ELOA2: variants seen among roughly 807,000 people sequenced by gnomAD.
ELOA2 encodes the protein elongin-A2.
For synonymous variants in ELOA2, 497 were observed against 398.8 expected, an observed-to-expected ratio of 1.25 and a Z score of -2.94; for missense variants, 1,271 against 979.7, an observed-to-expected ratio of 1.30 and a Z score of -3.97.
the ELOA2 span, chr18:47,033,607 C>T: frequency 6.2e-7 from 1 of 1,614,162 alleles, no homozygotes; most frequent in South Asian, 1.1e-5. Context: ...TTCAAGAACC[C>T]AGTAGGGGAC....
rs752530250 is a variant in ELOA2, at chr18:47,034,900, G to C, written c.365C>G (p.Pro122Arg). ...CCGTCTGTGCTCAGGGCTGTGAGATGGGCTCCTGGGGGCCGTCGCGTTTTC... is the reference window on the plus strand; with the variant it reads ...CCGTCTGTGCTCAGGGCTGTGAGATCGGCTCCTGGGGGCCGTCGCGTTTTC... ...FPENATAPRS[P>R]SHSPEHRRTA... The change falls in exon 1 of 1, where the codon CCA (proline) becomes CGA (arginine). Residue 122 changes from proline (P) to arginine (R), a missense_variant. Transcript: ENST00000332567. 2 of 1,612,054 alleles carry C rather than the reference G, an allele frequency of 1.2e-6. No individual in the cohort carries two copies. The highest frequency in any genetic ancestry group is 3.3e-5 in the Admixed American group (2 of 60,012).
the ELOA2 span, chr18:47,033,858 C>T: frequency 2.2e-5 from 35 of 1,613,924 alleles, no homozygotes; most frequent in Non-Finnish European, 2.7e-5. Context: ...TGGCCTGCAT[C>T]CAGGCCTCTG....
chr18:47,033,061 A>G lies in ELOA2; in HGVS notation c.2204T>C (p.Val735Ala). ...AKTRKQAAKK[V>A]APLMAKAIRD... The stretch of plus-strand genomic sequence containing the variant: ...AATTGCCTTGGCCATCAGCGGGGCC[A>G]CTTTCTTGGCAGCCTGTTTCCGGGT... The change falls in exon 1 of 1, where the codon GTG (valine) becomes GCG (alanine). Residue 735 changes from valine (V) to alanine (A), a missense_variant. Transcript: ENST00000332567. The G allele has an allele frequency of 6.2e-7, 1 of 1,614,122 alleles. No homozygotes were observed. Among genetic ancestry groups the G allele is most frequent in the African/African-American group, 1.3e-5 (1 of 75,066 alleles).
rs3744864 is a variant in ELOA2, at chr18:47,033,966, G to T, written c.1299C>A (p.Val433=). ...GCAGCCTCTCTGACTGGCTTTCCTGGACAGGAGGCAATTTCTTAGCCGAAT... is the reference window on the plus strand; with the variant it reads ...GCAGCCTCTCTGACTGGCTTTCCTGTACAGGAGGCAATTTCTTAGCCGAAT... The part of the protein sequence containing the change: ...SWDSAKKLPP[V]QESQSERLQA... Residue 433 remains valine, a synonymous_variant, in exon 1 of 1, where the codon GTC becomes GTA. Coordinates refer to ENST00000332567, the MANE Select transcript of ELOA2 (RefSeq NM_016427.3). The T allele has an allele frequency of 9.6e-3, 15,462 of 1,613,316 alleles. 106 individuals are homozygous for T. Among genetic ancestry groups the T allele is most frequent in the Admixed American group, 0.027 (1,629 of 60,034 alleles).
In ELOA2 at chr18:47,033,906, C is replaced by G. The variant is rs770220168; in HGVS notation, c.1359G>C (p.Thr453=). The G allele has an allele frequency of 3.1e-6, 5 of 1,613,202 alleles. No individual in the cohort carries two copies. Among genetic ancestry groups the G allele is most frequent in the South Asian group, 2.2e-5 (2 of 91,022 alleles). The change falls in exon 1 of 1, where the codon ACG becomes ACC. Residue 453 remains threonine, a synonymous_variant. Transcript: ENST00000332567. ...GCTCTGAGAAGACATGGCTGGGCAC[C>G]GTTTTCGGCCCGGCGGAATCAGCGC... ...AAGADSAGPK[T]VPSHVFSELW...
rs1236166074 is a variant in ELOA2, at chr18:47,032,801, G to GTGT, written c.*199_*201dup. 6 of 893,324 alleles carry GTGT rather than the reference G, an allele frequency of 6.7e-6. No individual in the cohort carries two copies. The highest frequency in any genetic ancestry group is 3.4e-5 in the African/African-American group (2 of 59,152). The allele number at this position is 893,324 out of a possible 1,614,324, so 55.3% of individuals were successfully genotyped here. A position where few individuals can be genotyped will look rare whatever the true frequency, so the allele number is the denominator to read the frequency against. ...GCGTTCATATCTTCTGAATTCTGAG[G>GTGT]TGTTCTCCAAGCTGGGAGGTAGTGG... On this transcript the variant is annotated 3_prime_UTR_variant, in exon 1 of 1. Transcript: ENST00000332567.
At position 47,033,213 on chromosome 18, in the gene ELOA2, A is replaced by T. The variant is rs2060569099; in HGVS notation, c.2052T>A (p.Thr684=). The T allele has an allele frequency of 2.5e-6, 4 of 1,613,744 alleles. No individual in the cohort carries two copies. The highest frequency in any genetic ancestry group is 3.4e-6 in the Non-Finnish European group (4 of 1,179,980). ...PASKPAGSSH[T]PSSQSSSGGG... ...CGCCGCTGCTGCTCTGGCTGGAGGG[A>T]GTGTGGCTGCTTCCCGCGGGCTTGG... Residue 684 remains threonine (T), a synonymous_variant, in exon 1 of 1, where the codon ACT becomes ACA. Coordinates refer to ENST00000332567, the MANE Select transcript of ELOA2 (RefSeq NM_016427.3).
Position 47,033,979 on chromosome 18 carries a change from T to C in ELOA2, c.1286A>G (p.Lys429Arg), listed in dbSNP as rs1373785925. The C allele has an allele frequency of 1.2e-6, 2 of 1,613,510 alleles. No homozygotes were observed. The highest frequency in any genetic ancestry group is 1.7e-6 in the Non-Finnish European group (2 of 1,180,032). ...CTGGCTTTCCTGGACAGGAGGCAAT[T>C]TCTTAGCCGAATCCCAGGACTCACG... ...GTRESWDSAK[K>R]LPPVQESQSE... The change falls in exon 1 of 1, where the codon AAA (lysine) becomes AGA (arginine). Residue 429 changes from lysine to arginine, a missense_variant. Transcript: ENST00000332567.
At position 47,035,278 on chromosome 18, in the gene ELOA2, T is replaced by C. The variant is rs753353388; in HGVS notation, c.-14A>G. On this transcript the variant is annotated 5_prime_UTR_variant, in exon 1 of 1. Coordinates refer to ENST00000332567, the MANE Select transcript of ELOA2 (RefSeq NM_016427.3). ...CCCTGCCGCCATCTCACCAGAGCTG[T>C]GCAGGCGTCGCTGTCCCGGCGGTCG... 2 of 1,612,322 alleles carry C rather than the reference T, an allele frequency of 1.2e-6. No individual in the cohort carries two copies. Among genetic ancestry groups the C allele is most frequent in the African/African-American group, 2.7e-5 (2 of 74,878 alleles).
chr18:47,033,010 C>T lies in ELOA2; in HGVS notation c.2255G>A (p.Arg752Gln), dbSNP rs778495814. The T allele has an allele frequency of 8.1e-6, 13 of 1,613,996 alleles. No individual in the cohort carries two copies. The highest frequency in any genetic ancestry group is 6.8e-6 in the Non-Finnish European group (8 of 1,180,054). ...AIRDYKRRFSRR is the reference protein window; with the variant it reads ...AIRDYKRRFSQR Reference sequence around the variant, plus strand: ...GCAAGGCAAGTCCTGAGTTTATCGTCGGGAGAATCTTCTCTTGTAGTCTCG... The same window carrying T: ...GCAAGGCAAGTCCTGAGTTTATCGTTGGGAGAATCTTCTCTTGTAGTCTCG... The change falls in exon 1 of 1, where the codon CGA becomes CAA. Residue 752 changes from arginine (R) to glutamine (Q), a missense_variant. Coordinates refer to ENST00000332567, the MANE Select transcript of ELOA2 (RefSeq NM_016427.3).
rs975232089 is a variant in ELOA2 at position 47,034,749 on chromosome 18, T to G, written c.516A>C (p.Pro172=). The change falls in exon 1 of 1, where the codon CCA becomes CCC. Residue 172 remains proline, a synonymous_variant. Coordinates refer to ENST00000332567, the MANE Select transcript of ELOA2 (RefSeq NM_016427.3). Reference sequence around the variant, plus strand: ...GCATCCGGAGGGGAGCTGTGCGCGTTGGAGAGGCCCGATAGCGGCCGGAAT... The same window carrying G: ...GCATCCGGAGGGGAGCTGTGCGCGTGGGAGAGGCCCGATAGCGGCCGGAAT... ...PADSGRYRAS[P]TRTAPLRMPE... is the part of the protein sequence containing the mutation. The G allele has an allele frequency of 2.0e-5, 32 of 1,612,730 alleles. No individual in the cohort carries two copies. The highest frequency in any genetic ancestry group is 2.7e-5 in the Non-Finnish European group (32 of 1,179,684).
Position 47,034,227 on chromosome 18 carries a change from A to T in ELOA2, c.1038T>A (p.Thr346=). The change falls in exon 1 of 1, where the codon ACT becomes ACA. Residue 346 remains threonine, a synonymous_variant. Transcript: ENST00000332567. The stretch of plus-strand genomic sequence containing the variant: ...GAGCAGTCGGTGGCTTCCCCTCTTG[A>T]GTCTCTCGGTCGTTGGAAAGCTGCT... ...EKEQLSNDRE[T]QEGKPPTAHL... The T allele has an allele frequency of 6.2e-7, 1 of 1,613,826 alleles. No homozygotes were observed. Among genetic ancestry groups the T allele is most frequent in the Non-Finnish European group, 8.5e-7 (1 of 1,179,788 alleles).
rs749662975 is a variant in ELOA2, at chr18:47,034,917, C to A, written c.348G>T (p.Ala116=). 1.1e-5 allele frequency: 18 copies of A among 1,611,866 alleles called. 1 individual carries two copies. The highest frequency in any genetic ancestry group is 1.4e-5 in the Non-Finnish European group (16 of 1,179,894). The part of the protein sequence containing the change: ...QEKAWGFPEN[A]TAPRSPSHSP... Reference sequence around the variant, plus strand: ...TGTGAGATGGGCTCCTGGGGGCCGTCGCGTTTTCTGGGAAGCCCCAGGCCT... The same window carrying A: ...TGTGAGATGGGCTCCTGGGGGCCGTAGCGTTTTCTGGGAAGCCCCAGGCCT... Residue 116 remains alanine (A), a synonymous_variant, in exon 1 of 1, where the codon GCG becomes GCT. Coordinates refer to ENST00000332567, the MANE Select transcript of ELOA2 (RefSeq NM_016427.3).
In ELOA2 at chr18:47,033,768, C is replaced by T. The variant is rs57122108; in HGVS notation, c.1497G>A (p.Glu499=). 6.6e-3 allele frequency: 10,647 copies of T among 1,614,200 alleles called. 447 individuals carry two copies. In the African/African-American group the frequency reaches 0.11, roughly 16 times the overall value. ...CTCTGCGTCCAGGGAAAGCAGCTTC[C>T]TCCCGGAACTTTGGTGAAGAGAGTG... ...PEALSSPKFR[E]EAAFPGRRVN... is the part of the protein sequence containing the mutation. Residue 499 remains glutamate (E), a synonymous_variant, in exon 1 of 1, where the codon GAG becomes GAA. Coordinates refer to ENST00000332567, the MANE Select transcript of ELOA2 (RefSeq NM_016427.3).
chr18:47,034,972 C>G lies in ELOA2; in HGVS notation c.293G>C (p.Arg98Pro), dbSNP rs1555847077. The change falls in exon 1 of 1, where the codon CGC (arginine) becomes CCC (proline). Residue 98 changes from arginine (R) to proline (P), a missense_variant. Physicochemically the swap from Arg to Pro is moderately radical, Grantham distance 103 (BLOSUM62 -2). Coordinates refer to ENST00000332567, the MANE Select transcript of ELOA2 (RefSeq NM_016427.3). ...CTGGTCCTGAAGAGCCTCCCCGAAG[C>G]GCTGTCGGGAAGCGCTCTCCTCAGG... ...QDPEESASRQ[R>P]FGEALQDQEK... The G allele has an allele frequency of 1.2e-6, 2 of 1,611,666 alleles. No homozygotes were observed. The highest frequency in any genetic ancestry group is 1.7e-6 in the Non-Finnish European group (2 of 1,179,618).
chr18:47,035,447 G>C lies in ELOA2; in HGVS notation c.-183C>G, dbSNP rs555215537. 16 of 1,331,992 alleles carry C rather than the reference G, an allele frequency of 1.2e-5. No individual in the cohort carries two copies. Among genetic ancestry groups the C allele is most frequent in the Non-Finnish European group, 1.4e-5 (14 of 988,500 alleles). The allele number at this position is 1,331,992 out of a possible 1,614,324, so 82.5% of individuals were successfully genotyped here. A position where few individuals can be genotyped will look rare whatever the true frequency, so the allele number is the denominator to read the frequency against. On this transcript the variant is annotated 5_prime_UTR_variant, in exon 1 of 1. Coordinates refer to ENST00000332567, the MANE Select transcript of ELOA2 (RefSeq NM_016427.3). Reference sequence around the variant, plus strand: ...AGCAGCAGGCCACTTGGTCTGGAACGGCCGTCCTTGCAGACAGCTGAGCAG... The same window carrying C: ...AGCAGCAGGCCACTTGGTCTGGAACCGCCGTCCTTGCAGACAGCTGAGCAG...
In ELOA2 at chr18:47,033,968, C is replaced by T. The variant is rs767859365; in HGVS notation, c.1297G>A (p.Val433Ile). Residue 433 changes from valine (V) to isoleucine (I), a missense_variant, in exon 1 of 1, where the codon GTC becomes ATC. Coordinates refer to ENST00000332567, the MANE Select transcript of ELOA2 (RefSeq NM_016427.3). Reference protein sequence around the residue: ...SWDSAKKLPPVQESQSERLQA... With the variant: ...SWDSAKKLPPIQESQSERLQA... ...AGCCTCTCTGACTGGCTTTCCTGGA[C>T]AGGAGGCAATTTCTTAGCCGAATCC... The T allele has an allele frequency of 1.2e-6, 2 of 1,613,364 alleles. No homozygotes were observed. Among genetic ancestry groups the T allele is most frequent in the Middle Eastern group, 3.7e-4 (2 of 5,370 alleles).
In ELOA2 at chr18:47,033,832, G is replaced by C. The variant is rs762560180; in HGVS notation, c.1433C>G (p.Ser478Trp). 1 of 1,614,156 alleles carries C rather than the reference G, an allele frequency of 6.2e-7. No homozygotes were observed. Among genetic ancestry groups the C allele is most frequent in the Non-Finnish European group, 8.5e-7 (1 of 1,180,034 alleles). Residue 478 changes from serine (S) to tryptophan (W), a missense_variant, in exon 1 of 1, where the codon TCG becomes TGG. Ser to Trp is a radical substitution (Grantham distance 177). Transcript: ENST00000332567. ...CTGGGAGGTCATGGAGTCAGAATCCGAAAGCGGATCGTAGTTGGCCTGCAT... is the reference window on the plus strand; with the variant it reads ...CTGGGAGGTCATGGAGTCAGAATCCCAAAGCGGATCGTAGTTGGCCTGCAT... ...AWMQANYDPL[S>W]DSDSMTSQAK...
Position 47,035,293 on chromosome 18 carries a change from C to A in ELOA2, c.-29G>T. 3 of 1,611,834 alleles carry A rather than the reference C, an allele frequency of 1.9e-6. No individual in the cohort carries two copies. The highest frequency in any genetic ancestry group is 1.7e-6 in the Non-Finnish European group (2 of 1,179,578). ...ACCAGAGCTGTGCAGGCGTCGCTGT[C>A]CCGGCGGTCGCAGCTCTGTCTTTGG... On this transcript the variant is annotated 5_prime_UTR_variant, in exon 1 of 1. Transcript: ENST00000332567.
Sources: allele counts gnomAD v4.1 joint callset, GRCh38; gene constraint gnomAD v4.1.1; transcripts MANE v1.5; gene names NCBI Gene and HGNC (gene_info 2026-07-23, HGNC 2026-07-21).